Variants in CNBD1 observed in about 807,000 individuals in gnomAD.
CNBD1 encodes the protein cyclic nucleotide binding domain containing 1, also known as cyclic nucleotide-binding domain-containing protein 1.
Under a neutral mutation model 54.4 loss-of-function variants are expected in CNBD1, and 71 were observed. The ratio of observed to expected loss-of-function variants is 1.30; its 90% CI spans 1.08 to 1.59. The LOEUF (loss-of-function observed/expected upper bound fraction) is 1.59, where lower values mean the gene tolerates loss of function less well. CNBD1 is among the 40% of genes most tolerant of loss of function. The pLI is 0.00. For missense variants in CNBD1, 659 were observed against 518.0 expected (o/e 1.27, Z -2.64); for synonymous variants, 182 against 170.7 (o/e 1.07, Z -0.51).
intron 1 of CNBD1, among the ~76,000 whole-genome samples, chr8:86,872,097 C>G (rs1002930988): frequency 6.6e-6 from 1 of 152,140 alleles, no homozygotes; most frequent in Non-Finnish European, 1.5e-5. Context: ...GCAATGTTGC[C>G]TAGCAACACT....
chr8:87,382,485 ATAT>A (rs1811098395), intron 10 of CNBD1, 132 bp from the exon 11 acceptor site: 1 of 600,434 alleles, frequency 1.7e-6, no homozygotes. Context: ...AGCTCTGACA[ATAT>A]TATTTTTTTC....
At chr8:87,114,114 C>T (rs1811943679) in intron 4 of CNBD1, among the ~76,000 whole-genome samples, 1 of 151,998 alleles carries the variant, frequency 6.6e-6, no homozygotes, top group African/African-American at 2.4e-5. Context: ...TTAGAATTTC[C>T]TTTCAACATA....
At position 87,280,289 on chromosome 8, in the gene CNBD1, AT is replaced by A. The variant is rs1235704324; in HGVS notation, c.772-4382del. Among the ~76,000 whole-genome samples the A allele has an allele frequency of 2.0e-5, 3 of 151,508 alleles. 1 individual carries two copies. The highest frequency in any genetic ancestry group is 3.9e-4 in the East Asian group (2 of 5,164). On this transcript the variant is annotated intron_variant, in intron 6 of 10. Coordinates refer to ENST00000518476, the MANE Select transcript of CNBD1 (RefSeq NM_173538.3). The stretch of plus-strand genomic sequence containing the variant: ...GAGTCTAAATCTTTGGAGAAAAATA[AT>A]TTTTTTCAATCTGGAGCAGTGCTTA...
intron 8 of CNBD1, among the ~76,000 whole-genome samples, chr8:87,322,728 C>T (rs1287819894): frequency 8.8e-5 from 6 of 68,202 alleles, no homozygotes; most frequent in East Asian, 6.3e-4. Flanking sequence ...GAGTAGGTTG[C>T]GAAAATTTTC....
At chr8:87,275,989 A>C (rs575845802) in intron 6 of CNBD1, among the ~76,000 whole-genome samples, 105 of 152,126 alleles carry the variant, frequency 6.9e-4, no homozygotes, top group Admixed American at 3.7e-3. Flanking sequence ...AGAGAATAAA[A>C]AACCTAGGAA....
At chr8:87,269,176 G>GGTAATGGT (rs1808316610) in intron 6 of CNBD1, among the ~76,000 whole-genome samples, 4 of 152,034 alleles carry the variant, frequency 2.6e-5, no homozygotes, top group Non-Finnish European at 5.9e-5. Context: ...TTACTGAATA[G>GGTAATGGT]GCAGTCCTTT....
intron 4 of CNBD1, among the ~76,000 whole-genome samples, chr8:87,203,459 G>A (rs1012086661): frequency 2.0e-5 from 3 of 152,048 alleles, no homozygotes; most frequent in African/African-American, 7.2e-5. Context: ...TTATCTCTGT[G>A]TCAGTTCACT....
chr8:87,087,702 G>A (rs1017560568), intron 4 of CNBD1, among the ~76,000 whole-genome samples: 1 of 151,892 alleles, frequency 6.6e-6, no homozygotes, highest in Non-Finnish European at 1.5e-5. Flanking sequence ...CCCTGACCTC[G>A]TGATCCGCCC....
At chr8:87,010,521 G>A (rs1586196342) in intron 4 of CNBD1, among the ~76,000 whole-genome samples, 1 of 152,126 alleles carries the variant, frequency 6.6e-6, no homozygotes, top group South Asian at 2.1e-4. Flanking sequence ...TTCCAGGCGG[G>A]TGGATCACCT....
intron 8 of CNBD1, among the ~76,000 whole-genome samples, chr8:87,348,516 C>T (rs1160944280): frequency 6.6e-6 from 1 of 152,112 alleles, no homozygotes; most frequent in African/African-American, 2.4e-5. Context: ...TTACTTTATA[C>T]TTTTCTTCCT....
chr8:87,128,367 A>G (rs1471281667), intron 4 of CNBD1, among the ~76,000 whole-genome samples: 1 of 152,034 alleles, frequency 6.6e-6, no homozygotes, highest in Non-Finnish European at 1.5e-5. Context: ...AGGGGCACAC[A>G]CCTTAGCTCC....
chr8:86,953,851 A>T (rs1807689957), intron 4 of CNBD1, among the ~76,000 whole-genome samples: 1 of 152,128 alleles, frequency 6.6e-6, no homozygotes, highest in Non-Finnish European at 1.5e-5. Context: ...TAGGTGACAG[A>T]GCGAGACTCT....
At chr8:87,385,103 G>A (rs572787616), downstream of CNBD1, among the ~76,000 whole-genome samples, 13 of 152,194 alleles carry the variant, frequency 8.5e-5, no homozygotes, top group South Asian at 2.5e-3. Flanking sequence ...ATTTGGGAGG[G>A]CATTAAAAAG....
At chr8:87,330,104 T>C (rs1187424116) in intron 8 of CNBD1, among the ~76,000 whole-genome samples, 2 of 151,986 alleles carry the variant, frequency 1.3e-5, no homozygotes, top group African/African-American at 4.8e-5. Context: ...TAGTTTTTAA[T>C]CTAGATGGTC....
chr8:87,015,483 C>A (rs1027577299), intron 4 of CNBD1, among the ~76,000 whole-genome samples: 1 of 151,962 alleles, frequency 6.6e-6, no homozygotes, highest in Non-Finnish European at 1.5e-5. Flanking sequence ...TCATGCCCAG[C>A]GAAATACTGG....
chr8:87,086,218 A>G (rs1021429482), intron 4 of CNBD1, among the ~76,000 whole-genome samples: 4 of 152,140 alleles, frequency 2.6e-5, no homozygotes, highest in Non-Finnish European at 5.9e-5. Context: ...AATACTTTTT[A>G]GCTGGGTTTT....
intron 6 of CNBD1, among the ~76,000 whole-genome samples, chr8:87,240,219 G>A (rs891017573): frequency 6.6e-6 from 1 of 151,690 alleles, no homozygotes; most frequent in Non-Finnish European, 1.5e-5. Context: ...ATTAAATTTA[G>A]CAAAATTATA....
At chr8:86,909,103 C>T (rs1202862700) in intron 3 of CNBD1, among the ~76,000 whole-genome samples, 1 of 151,940 alleles carries the variant, frequency 6.6e-6, no homozygotes, top group Non-Finnish European at 1.5e-5. Flanking sequence ...TACCTGTTCC[C>T]AATAAACATA....
chr8:87,171,446 T>C (rs1813084141), intron 4 of CNBD1, among the ~76,000 whole-genome samples: 2 of 151,552 alleles, frequency 1.3e-5, no homozygotes, highest in African/African-American at 4.9e-5. Context: ...CCATTTTATC[T>C]TTAAAAAAAA....
Sources: allele counts gnomAD v4.1 joint callset (sites outside exome capture counted in the v4.1 genomes callset), GRCh38; gene constraint gnomAD v4.1.1; transcripts MANE v1.5; gene names NCBI Gene and HGNC (gene_info 2026-07-23, HGNC 2026-07-21).